SLC25A26: variants seen among roughly 807,000 people sequenced by gnomAD.
SLC25A26 encodes mitochondrial S-adenosylmethionine carrier protein.
SLC25A26 carries 36 observed loss-of-function variants against 37.8 expected under a neutral mutation model. The observed-to-expected ratio is 0.95, with a 90% CI of 0.73 to 1.26. The LOEUF (loss-of-function observed/expected upper bound fraction) is 1.26. Among genes scored for constraint, SLC25A26 ranks in the 50% most tolerant of loss-of-function variants. The probability of loss-of-function intolerance (pLI) is 0.00; values close to 1 mark genes in which losing one functional copy is unlikely to be tolerated. For synonymous variants in SLC25A26, 129 were observed against 122.5 expected, an observed-to-expected ratio of 1.05 and a Z score of -0.35; for missense variants, 390 against 331.1, an observed-to-expected ratio of 1.18 and a Z score of -1.38.
At chr3:66,169,412 C>G (rs890182779) in intron 1 of SLC25A26, among the ~76,000 whole-genome samples, 5 of 152,112 alleles carry the variant, frequency 3.3e-5, no homozygotes, top group African/African-American at 1.2e-4. Flanking sequence ...CTTGAAGTGC[C>G]GTTTCTGAGT....
intron 1 of SLC25A26, among the ~76,000 whole-genome samples, chr3:66,204,177 G>A (rs1229288693): frequency 6.6e-6 from 1 of 152,106 alleles, no homozygotes; most frequent in Non-Finnish European, 1.5e-5. Context: ...TGTAATCCCA[G>A]CACTTTGGGA....
intron 5 of SLC25A26, among the ~76,000 whole-genome samples, chr3:66,278,420 C>T (rs1442103275): frequency 6.6e-6 from 1 of 152,258 alleles, no homozygotes; most frequent in African/African-American, 2.4e-5. Context: ...TCTGGTTCCA[C>T]TCTCTAGAGG....
chr3:66,254,428 CCT>C (rs561864578), intron 3 of SLC25A26, among the ~76,000 whole-genome samples: 6 of 152,174 alleles, frequency 3.9e-5, no homozygotes, highest in African/African-American at 9.7e-5. Context: ...TCCCTGACCC[CCT>C]GTCTTACTAA....
In SLC25A26 at chr3:66,253,023, G is replaced by GCCCC. The variant is rs33979268; in HGVS notation, c.301-9018_301-9015dup. ...TGGTTACTGTGATAGGCAAAATAAT[G>GCCCC]CCCCCCCCCCCCCATAAATATGTCC... On this transcript the variant is annotated intron_variant, in intron 3 of 9. Transcript: ENST00000354883. Among the ~76,000 whole-genome samples the GCCCC allele has an allele frequency of 3.0e-4, 32 of 106,738 alleles. 1 individual carries two copies. The highest frequency in any genetic ancestry group is 1.0e-3 in the African/African-American group (25 of 24,868). The allele number at this position is 106,738 out of a possible 152,430, so 70.0% of individuals were successfully genotyped here.
At chr3:66,188,627 A>G (rs2070875529) in intron 1 of SLC25A26, among the ~76,000 whole-genome samples, 1 of 152,142 alleles carries the variant, frequency 6.6e-6, no homozygotes, top group South Asian at 2.1e-4. Flanking sequence ...AGCAGATGCT[A>G]GTGCCATGTT....
chr3:66,332,750 C>G (rs968362190), intron 5 of SLC25A26, among the ~76,000 whole-genome samples: 3 of 151,982 alleles, frequency 2.0e-5, no homozygotes, highest in Non-Finnish European at 4.4e-5. Context: ...GGAATAGATA[C>G]AGATACATGA....
intron 1 of SLC25A26, among the ~76,000 whole-genome samples, chr3:66,209,737 T>C (rs2071249919): frequency 2.9e-5 from 4 of 137,518 alleles, no homozygotes; most frequent in Admixed American, 7.6e-5. Context: ...TATATATTGG[T>C]ATGGATATAT....
chr3:66,332,936 A>G (rs1174829496), intron 5 of SLC25A26, among the ~76,000 whole-genome samples: 1 of 152,142 alleles, frequency 6.6e-6, no homozygotes, highest in Admixed American at 6.5e-5. Context: ...GAGTATCCAT[A>G]CATACACTTT....
intron 3 of SLC25A26, among the ~76,000 whole-genome samples, chr3:66,253,428 G>C (rs2073174755): frequency 6.6e-6 from 1 of 151,738 alleles, no homozygotes; most frequent in South Asian, 2.1e-4. Context: ...TGTTGAGGTG[G>C]AAAGAGTTTT....
At chr3:66,281,979 C>T (rs1307655332) in intron 5 of SLC25A26, among the ~76,000 whole-genome samples, 2 of 149,386 alleles carry the variant, frequency 1.3e-5, no homozygotes, top group Non-Finnish European at 3.0e-5. Flanking sequence ...CGCACCACCA[C>T]ACCCAACTGA....
chr3:66,182,462 G>C (rs1029630953), intron 1 of SLC25A26, among the ~76,000 whole-genome samples: 2 of 152,188 alleles, frequency 1.3e-5, no homozygotes, highest in East Asian at 3.9e-4. Context: ...GATCATCACC[G>C]TGTATTTTTA....
intron 1 of SLC25A26, among the ~76,000 whole-genome samples, chr3:66,225,506 A>G (rs558319443): frequency 8.5e-5 from 13 of 152,168 alleles, no homozygotes; most frequent in Non-Finnish European, 1.5e-4. Context: ...TTTCCCTCCT[A>G]GGCCTCCAGA....
At chr3:66,217,798 C>T (rs920729025), upstream of SLC25A26, among the ~76,000 whole-genome samples, 4 of 152,204 alleles carry the variant, frequency 2.6e-5, no homozygotes, top group East Asian at 5.8e-4. Context: ...GATCCGTCCA[C>T]CTTGGCCTCC....
At chr3:66,228,828 TTA>T (rs782676612) in intron 1 of SLC25A26, among the ~76,000 whole-genome samples, 199 of 152,354 alleles carry the variant, frequency 1.3e-3, no homozygotes, top group Non-Finnish European at 2.1e-3. Flanking sequence ...ATTTGAACAC[TTA>T]TATTTCTCTT....
intron 5 of SLC25A26, among the ~76,000 whole-genome samples, chr3:66,333,986 G>A (rs1288903290): frequency 6.6e-6 from 1 of 152,152 alleles, no homozygotes; most frequent in Non-Finnish European, 1.5e-5. Flanking sequence ...AAAGGGAGGT[G>A]AGTTTGTGTG....
intron 1 of SLC25A26, among the ~76,000 whole-genome samples, chr3:66,156,157 A>T (rs1051516170): frequency 6.6e-6 from 1 of 152,120 alleles, no homozygotes; most frequent in Non-Finnish European, 1.5e-5. Flanking sequence ...CTGAGAGGTG[A>T]TCATTGGCAA....
chr3:66,223,813 C>T (rs368305638), intron 1 of SLC25A26, among the ~76,000 whole-genome samples: 449 of 152,276 alleles, frequency 2.9e-3, no homozygotes, highest in Middle Eastern at 0.01. Context: ...ATTTGGAGCA[C>T]AGAGTGGGGT....
intron 5 of SLC25A26, among the ~76,000 whole-genome samples, chr3:66,265,030 G>A (rs986596279): frequency 2.0e-5 from 3 of 152,194 alleles, no homozygotes; most frequent in Non-Finnish European, 4.4e-5. Flanking sequence ...AACATGGTAT[G>A]GGCCAGGCAT....
At chr3:66,170,836 C>T (rs1446533739) in intron 1 of SLC25A26, among the ~76,000 whole-genome samples, 2 of 114,482 alleles carry the variant, frequency 1.7e-5, no homozygotes, top group Non-Finnish European at 3.3e-5. Flanking sequence ...CGGAGTCTCG[C>T]TCTGTCGCCC....
Sources: gnomAD v4.1 joint callset for allele counts (sites outside exome capture counted in the v4.1 genomes callset) on GRCh38, gnomAD v4.1.1 for gene constraint, MANE v1.5 for transcripts, NCBI Gene and HGNC (gene_info 2026-07-23, HGNC 2026-07-21) for gene names.